Variants in LMAN2L observed in about 807,000 individuals in gnomAD.
The protein encoded by LMAN2L is lectin, mannose binding 2 like, also known as VIP36-like protein.
A neutral mutation model predicts 44.3 loss-of-function variants in LMAN2L; 30 were observed. The observed-to-expected ratio is 0.68, with a 90% CI of 0.51 to 0.92. The LOEUF (loss-of-function observed/expected upper bound fraction) is 0.92, where lower values mean the gene tolerates loss of function less well. Ranked by LOEUF, LMAN2L falls within the 40% of genes least tolerant of loss-of-function variation. The probability of loss-of-function intolerance (pLI) is 0.00; values close to 1 mark genes in which losing one functional copy is unlikely to be tolerated. For synonymous variants in LMAN2L, 183 were observed against 171.1 expected, an observed-to-expected ratio of 1.07 and a Z score of -0.54; for missense variants, 429 against 446.1, an observed-to-expected ratio of 0.96 and a Z score of 0.35.
At chr2:96,732,691 G>A (rs1222695996) in intron 4 of LMAN2L, among the ~76,000 whole-genome samples, 1 of 150,554 alleles carries the variant, frequency 6.6e-6, no homozygotes, top group African/African-American at 2.4e-5. Flanking sequence ...AAAACTCTTA[G>A]GTCAGGTAAC....
intron 4 of LMAN2L, among the ~76,000 whole-genome samples, chr2:96,731,938 C>T (rs2078406623): frequency 6.6e-6 from 1 of 151,834 alleles, no homozygotes; most frequent in Non-Finnish European, 1.5e-5. Flanking sequence ...ACCTCCACCT[C>T]CCAGGTTCAA....
chr2:96,732,549 CAGA>C (rs2078424566), intron 4 of LMAN2L, among the ~76,000 whole-genome samples: 1 of 150,514 alleles, frequency 6.6e-6, no homozygotes, highest in Admixed American at 6.6e-5. Flanking sequence ...GAGGCTGAGG[CAGA>C]AGAATAGCTT....
intron 6 of LMAN2L, among the ~76,000 whole-genome samples, chr2:96,708,421 G>A (rs190895395): frequency 1.1e-4 from 16 of 152,356 alleles, no homozygotes; most frequent in Admixed American, 1.0e-3. Flanking sequence ...AAGCTATGAT[G>A]TTCAGTAGGG....
Position 96,707,724 on chromosome 2 carries a change from C to T in LMAN2L, c.894G>A (p.Lys298=), listed in dbSNP as rs768560909. 3 of 1,614,150 alleles carry T rather than the reference C, an allele frequency of 1.9e-6. No individual in the cohort carries two copies. Among genetic ancestry groups the T allele is most frequent in the Admixed American group, 3.3e-5 (2 of 60,018 alleles). ...DVFLPSVDNM[K]LPEMTAPLPP... ...GGCCCCTGTGCTCACTCTCAGGCAG[C>T]TTCATATTGTCCACTGAGGGCAAGA... is the stretch of plus-strand genomic sequence containing the variant. The change falls in exon 7 of 8, where the codon AAG becomes AAA. Residue 298 remains lysine, a synonymous_variant. Coordinates refer to ENST00000264963, the MANE Select transcript of LMAN2L (RefSeq NM_030805.4).
intron 1 of LMAN2L, among the ~76,000 whole-genome samples, chr2:96,738,723 G>A (rs770014708): frequency 6.6e-6 from 1 of 151,918 alleles, no homozygotes; most frequent in African/African-American, 2.4e-5. Flanking sequence ...CAGGCCTCCG[G>A]GGCTTAGTCA....
At chr2:96,709,205 G>A (rs2077857647) in intron 6 of LMAN2L, among the ~76,000 whole-genome samples, 1 of 152,128 alleles carries the variant, frequency 6.6e-6, no homozygotes. Flanking sequence ...ACAGGCGTGA[G>A]CCACCGCGCC....
intron 4 of LMAN2L, among the ~76,000 whole-genome samples, chr2:96,722,162 G>A (rs2078171472): frequency 6.6e-6 from 1 of 151,684 alleles, no homozygotes; most frequent in African/African-American, 2.4e-5. Context: ...TAGAGACGGG[G>A]TTTCATCGTG....
rs1017968457 is a variant in LMAN2L, at chr2:96,707,080, C to A, written c.*176G>T. The A allele has an allele frequency of 7.0e-6, 4 of 570,664 alleles. No homozygotes were observed. The African/African-American group carries it at 7.6e-5, about 11-fold the overall frequency. 35.4% of individuals were successfully genotyped at this position (570,664 alleles called of 1,614,324 possible). A position where few individuals can be genotyped will look rare whatever the true frequency, so the allele number is the denominator to read the frequency against. On this transcript the variant is annotated 3_prime_UTR_variant, in exon 8 of 8. Coordinates refer to ENST00000264963, the MANE Select transcript of LMAN2L (RefSeq NM_030805.4). ...GGCTTCCCAGACCAGAGTTAGATGT[C>A]CCCATGCACAACCATGGGAATGCGG...
rs1414022791 is a variant in LMAN2L, at chr2:96,706,252, A to G, written c.*1004T>C. 2 of 152,258 alleles carry G rather than the reference A, an allele frequency of 1.3e-5. No individual in the cohort carries two copies. The highest frequency in any genetic ancestry group is 4.8e-5 in the African/African-American group (2 of 41,470). 9.4% of individuals were successfully genotyped at this position (152,258 alleles called of 1,614,324 possible). A position where few individuals can be genotyped will look rare whatever the true frequency, so the allele number is the denominator to read the frequency against. Reference sequence around the variant, plus strand: ...AAAAGCCAAATTTCTTCTCTGGGCAATATCCAAGCCCAAGGTGTAAGAAGA... The same window carrying G: ...AAAAGCCAAATTTCTTCTCTGGGCAGTATCCAAGCCCAAGGTGTAAGAAGA... On this transcript the variant is annotated 3_prime_UTR_variant, in exon 8 of 8. Coordinates refer to ENST00000264963, the MANE Select transcript of LMAN2L (RefSeq NM_030805.4).
Position 96,706,207 on chromosome 2 carries a change from C to T in LMAN2L, c.*1049G>A, listed in dbSNP as rs959249030. On this transcript the variant is annotated 3_prime_UTR_variant, in exon 8 of 8. Transcript: ENST00000264963. ...CTTGGAACATGAGAACAGCAACTGT[C>T]TCTTGTCCATTAAGAAAAAAAAAGC... The T allele has an allele frequency of 1.3e-5, 2 of 152,302 alleles. No homozygotes were observed. The highest frequency in any genetic ancestry group is 4.8e-5 in the African/African-American group (2 of 41,418). The allele number at this position is 152,302 out of a possible 1,614,324, so 9.4% of individuals were successfully genotyped here. A position where few individuals can be genotyped will look rare whatever the true frequency, so the allele number is the denominator to read the frequency against.
intron 4 of LMAN2L, among the ~76,000 whole-genome samples, chr2:96,712,717 G>A (rs1365530863): frequency 3.9e-5 from 6 of 152,146 alleles, no homozygotes; most frequent in African/African-American, 1.4e-4. Context: ...AATAATAAGA[G>A]GGCAAGGTTC....
chr2:96,730,612 C>T (rs2078372419), intron 4 of LMAN2L, among the ~76,000 whole-genome samples: 1 of 152,178 alleles, frequency 6.6e-6, no homozygotes, highest in South Asian at 2.1e-4. Flanking sequence ...ACTGGCCCTG[C>T]TTTTCATTCT....
intron 4 of LMAN2L, among the ~76,000 whole-genome samples, chr2:96,721,873 G>A (rs1198818861): frequency 4.6e-5 from 7 of 152,226 alleles, no homozygotes; most frequent in East Asian, 1.9e-4. Flanking sequence ...TTGGCACCAG[G>A]GACTGGTTTC....
At chr2:96,720,097 C>T (rs1423660731) in intron 4 of LMAN2L, among the ~76,000 whole-genome samples, 2 of 151,944 alleles carry the variant, frequency 1.3e-5, no homozygotes, top group Non-Finnish European at 2.9e-5. Context: ...AAATTTTCTT[C>T]CAGTTCAAAG....
chr2:96,707,084 A>AT lies in LMAN2L; in HGVS notation c.*171dup, dbSNP rs1418802269. On this transcript the variant is annotated 3_prime_UTR_variant, in exon 8 of 8. Coordinates refer to ENST00000264963, the MANE Select transcript of LMAN2L (RefSeq NM_030805.4). The stretch of plus-strand genomic sequence containing the variant: ...TCCCAGACCAGAGTTAGATGTCCCC[A>AT]TGCACAACCATGGGAATGCGGGGTC... 1.7e-6 allele frequency: 1 copy of AT among 595,462 alleles called. No homozygotes were observed. The highest frequency in any genetic ancestry group is 3.0e-5 in the East Asian group (1 of 33,350). 36.9% of individuals were successfully genotyped at this position (595,462 alleles called of 1,614,324 possible).
Position 96,706,335 on chromosome 2 carries a change from C to T in LMAN2L, c.*921G>A, listed in dbSNP as rs942268044. The T allele has an allele frequency of 2.0e-5, 3 of 152,246 alleles. No individual in the cohort carries two copies. Among genetic ancestry groups the T allele is most frequent in the African/African-American group, 7.2e-5 (3 of 41,466 alleles). 9.4% of individuals were successfully genotyped at this position (152,246 alleles called of 1,614,324 possible). A position where few individuals can be genotyped will look rare whatever the true frequency, so the allele number is the denominator to read the frequency against. ...GATTCCAAAAATCGTAACTACAAAA[C>T]ATGCAGCTAAGCAGGCTCTAGCAAG... On this transcript the variant is annotated 3_prime_UTR_variant, in exon 8 of 8. Coordinates refer to ENST00000264963, the MANE Select transcript of LMAN2L (RefSeq NM_030805.4).
intron 4 of LMAN2L, among the ~76,000 whole-genome samples, chr2:96,724,791 C>T (rs549915771): frequency 1.5e-4 from 23 of 152,194 alleles, no homozygotes; most frequent in African/African-American, 4.6e-4. Context: ...GGACTACAGG[C>T]GCACACTGCG....
intron 4 of LMAN2L, among the ~76,000 whole-genome samples, chr2:96,727,099 T>TA (rs1558958829): frequency 6.6e-6 from 1 of 151,762 alleles, no homozygotes; most frequent in Non-Finnish European, 1.5e-5. Flanking sequence ...AACATAAAAA[T>TA]AAAAAATGTG....
intron 4 of LMAN2L, chr2:96,713,120 G>A: frequency 6.4e-7 from 1 of 1,551,450 alleles, no homozygotes; most frequent in Non-Finnish European, 8.7e-7. Flanking sequence ...GACTCCTGGA[G>A]AATATCGCCT....
Sources: allele counts gnomAD v4.1 joint callset (sites outside exome capture counted in the v4.1 genomes callset), GRCh38; gene constraint gnomAD v4.1.1; transcripts MANE v1.5; gene names NCBI Gene and HGNC (gene_info 2026-07-23, HGNC 2026-07-21).